The following C9orf85 variants were observed in gnomAD, a reference collection of about 807,000 sequenced individuals.
C9orf85 encodes chromosome 9 open reading frame 85.
Under a neutral mutation model 14.9 loss-of-function variants are expected in C9orf85, and 16 were observed. That is an observed-to-expected ratio of 1.08 (90% CI 0.73 to 1.63). The LOEUF (loss-of-function observed/expected upper bound fraction) is 1.63. Ranked by LOEUF, C9orf85 falls within the 40% of genes most tolerant of loss-of-function variation. C9orf85 has a pLI of 0.00. For synonymous variants in C9orf85, 45 were observed against 56.8 expected (o/e 0.79, Z 0.93); for missense variants, 172 against 186.1 (o/e 0.92, Z 0.44).
intron 2 of C9orf85, among the ~76,000 whole-genome samples, chr9:71,959,668 A>C (rs1156268737): frequency 2.6e-5 from 4 of 152,296 alleles, no homozygotes; most frequent in African/African-American, 9.6e-5. Context: ...CCTTTATAGA[A>C]CCAAAATAAT....
chr9:71,912,638 T>G (rs978724726), intron 1 of C9orf85, among the ~76,000 whole-genome samples: 1 of 151,558 alleles, frequency 6.6e-6, no homozygotes, highest in South Asian at 2.1e-4. Context: ...TCTCAGCACT[T>G]TGGGAGGCCG....
intron 1 of C9orf85, among the ~76,000 whole-genome samples, chr9:71,929,373 T>C (rs1828015871): frequency 2.0e-5 from 3 of 152,208 alleles, no homozygotes; most frequent in African/African-American, 7.2e-5. Flanking sequence ...ACTTAACTTT[T>C]AATGAGTGCT....
chr9:71,930,803 C>CAAA (rs747596247), intron 1 of C9orf85, among the ~76,000 whole-genome samples: 30 of 60,988 alleles, frequency 4.9e-4, no homozygotes, highest in Admixed American at 1.4e-3. Context: ...GACCCTGTCT[C>CAAA]AAAAAAAAAA....
chr9:71,961,775 C>T (rs1321049811), intron 2 of C9orf85, among the ~76,000 whole-genome samples: 1 of 152,146 alleles, frequency 6.6e-6, no homozygotes, highest in Non-Finnish European at 1.5e-5. Flanking sequence ...CTCTCCAGTT[C>T]ATGAGGACTC....
intron 2 of C9orf85, among the ~76,000 whole-genome samples, chr9:71,956,115 A>G (rs757829373): frequency 2.6e-5 from 4 of 152,154 alleles, no homozygotes; most frequent in Non-Finnish European, 4.4e-5. Flanking sequence ...TTCTTCTTTA[A>G]AGAATATGTT....
intron 1 of C9orf85, chr9:71,912,096 G>A (rs1827515434): frequency 4.2e-6 from 2 of 472,296 alleles, no homozygotes; most frequent in Non-Finnish European, 8.0e-6. Flanking sequence ...GAAATCTAAG[G>A]TGCAGATGGG....
At chr9:71,921,612 C>T (rs540323973) in intron 1 of C9orf85, among the ~76,000 whole-genome samples, 1 of 152,340 alleles carries the variant, frequency 6.6e-6, no homozygotes, top group South Asian at 2.1e-4. Flanking sequence ...TGTATCCCAA[C>T]CAGCCCATCT....
At chr9:71,926,659 C>T (rs10735609) in intron 1 of C9orf85, among the ~76,000 whole-genome samples, 137,979 of 147,348 alleles carry the variant, frequency 0.94, 65,228 homozygotes, top group East Asian at 1. Flanking sequence ...AAAAAGAATC[C>T]TGTGACATTG....
At chr9:71,978,459 G>C (rs1823042387) in intron 3 of C9orf85, among the ~76,000 whole-genome samples, 1 of 152,130 alleles carries the variant, frequency 6.6e-6, no homozygotes, top group African/African-American at 2.4e-5. Context: ...TTCAACATAA[G>C]TTGTAACTAA....
At chr9:71,943,452 T>A (rs1821994310) in intron 1 of C9orf85, among the ~76,000 whole-genome samples, 2 of 152,202 alleles carry the variant, frequency 1.3e-5, no homozygotes, top group South Asian at 2.1e-4. Flanking sequence ...TTTTTCAGCA[T>A]CAGCATGTTG....
intron 2 of C9orf85, among the ~76,000 whole-genome samples, chr9:71,954,528 T>G (rs1822334928): frequency 6.6e-6 from 1 of 152,194 alleles, no homozygotes; most frequent in South Asian, 2.1e-4. Flanking sequence ...TATTTCTTGA[T>G]GATATGCTAA....
intron 2 of C9orf85, among the ~76,000 whole-genome samples, chr9:71,968,777 G>A (rs112951108): frequency 7.2e-5 from 11 of 152,210 alleles, no homozygotes; most frequent in African/African-American, 2.4e-4. Context: ...ACAAAGGAGG[G>A]GAAGGGGTTC....
rs186616847 is a variant in C9orf85, at chr9:71,957,998, C to A, written c.209+10886C>A. Among the ~76,000 whole-genome samples the A allele has an allele frequency of 2.6e-5, 4 of 151,998 alleles. No homozygotes were observed. The South Asian group carries it at 6.2e-4, about 24-fold the overall frequency. ...CTATTTAAGGTCTGAATGATGTATC[C>A]TTTCTAGTGGAATTTTAAGTGTAAA... On this transcript the variant is annotated intron_variant, in intron 2 of 3. Coordinates refer to ENST00000334731, the MANE Select transcript of C9orf85 (RefSeq NM_182505.5).
chr9:71,959,785 T>C (rs1348111845), intron 2 of C9orf85, among the ~76,000 whole-genome samples: 2 of 152,192 alleles, frequency 1.3e-5, no homozygotes, highest in Admixed American at 1.3e-4. Flanking sequence ...ACGTGTTGTA[T>C]TAAGAACAAA....
At chr9:71,978,588 T>C (rs988436627) in intron 3 of C9orf85, among the ~76,000 whole-genome samples, 1 of 152,232 alleles carries the variant, frequency 6.6e-6, no homozygotes, top group Non-Finnish European at 1.5e-5. Context: ...AAGTAACTTA[T>C]GGTGATAGAC....
chr9:71,928,413 C>T (rs544298655), intron 1 of C9orf85, among the ~76,000 whole-genome samples: 15 of 152,196 alleles, frequency 9.9e-5, no homozygotes, highest in Admixed American at 5.2e-4. Flanking sequence ...GAAGGGACTA[C>T]ACATCATGAA....
chr9:71,919,562 C>T (rs570664256), intron 1 of C9orf85, among the ~76,000 whole-genome samples: 119 of 152,240 alleles, frequency 7.8e-4, no homozygotes, highest in African/African-American at 2.7e-3. Flanking sequence ...TTCCCTCCTC[C>T]ATTGATTTGT....
intron 3 of C9orf85, 63 bp from the exon 4 acceptor site, chr9:71,972,629 A>T: frequency 1.6e-6 from 2 of 1,269,068 alleles, no homozygotes; most frequent in Non-Finnish European, 1.1e-6. Flanking sequence ...AAGTCTTTTC[A>T]ATCTACATGG....
At chr9:71,926,036 C>G (rs1445858296) in intron 1 of C9orf85, among the ~76,000 whole-genome samples, 1 of 152,196 alleles carries the variant, frequency 6.6e-6, no homozygotes, top group Non-Finnish European at 1.5e-5. Flanking sequence ...AACAAAGAAA[C>G]CCTTGTGCTT....
Sources: allele counts gnomAD v4.1 joint callset (sites outside exome capture counted in the v4.1 genomes callset), GRCh38; gene constraint gnomAD v4.1.1; transcripts MANE v1.5; gene names NCBI Gene and HGNC (gene_info 2026-07-23, HGNC 2026-07-21).